Variants in DCBLD2 observed in about 807,000 individuals in gnomAD.
DCBLD2 encodes the protein discoidin, CUB and LCCL domain-containing protein 2.
DCBLD2 carries 54 observed loss-of-function variants against 86.8 expected under a neutral mutation model. The ratio of observed to expected loss-of-function variants is 0.62; its 90% CI spans 0.50 to 0.78. The LOEUF is 0.78. Ranked by LOEUF, DCBLD2 falls within the 30% of genes least tolerant of loss-of-function variation. DCBLD2 has a pLI of 0.00. For synonymous variants in DCBLD2, 354 were observed against 341.3 expected (o/e 1.04, Z -0.41); for missense variants, 908 against 954.2 (o/e 0.95, Z 0.64).
At chr3:98,808,218 A>G (rs1183942008) in intron 12 of DCBLD2, 44 bp from the exon 13 acceptor site, 1 of 1,507,486 alleles carries the variant, frequency 6.6e-7, no homozygotes, top group African/African-American at 1.4e-5. Context: ...AGCCATATTA[A>G]CACCAAAGGC....
intron 6 of DCBLD2, 182 bp downstream of exon 6, chr3:98,822,046 C>CAAACA (rs929088748): frequency 1.3e-6 from 1 of 794,268 alleles, no homozygotes; most frequent in Non-Finnish European, 2.1e-6. Context: ...AACTCTGTCT[C>CAAACA]AAACAAAACA....
At chr3:98,807,630 A>T (rs537030865) in intron 13 of DCBLD2, among the ~76,000 whole-genome samples, 2 of 152,274 alleles carry the variant, frequency 1.3e-5, no homozygotes, top group East Asian at 3.9e-4. Context: ...ACCTTCCTCT[A>T]TCTAGCCAAC....
At chr3:98,872,769 G>C (rs1195193957) in intron 2 of DCBLD2, among the ~76,000 whole-genome samples, 1 of 151,222 alleles carries the variant, frequency 6.6e-6, no homozygotes, top group Non-Finnish European at 1.5e-5. Context: ...AACACGAAAA[G>C]ACACTTAAAA....
chr3:98,875,531 T>C (rs1288056071), intron 2 of DCBLD2, among the ~76,000 whole-genome samples: 1 of 152,148 alleles, frequency 6.6e-6, no homozygotes, highest in Non-Finnish European at 1.5e-5. Flanking sequence ...AGCTTTTTTG[T>C]GGAGTTAGAT....
At chr3:98,843,271 G>A (rs1048954036) in intron 3 of DCBLD2, among the ~76,000 whole-genome samples, 1 of 152,266 alleles carries the variant, frequency 6.6e-6, no homozygotes, top group Admixed American at 6.5e-5. Flanking sequence ...AATGTAAACT[G>A]AAACTTCATT....
At chr3:98,826,219 C>T (rs770352427) in intron 3 of DCBLD2, among the ~76,000 whole-genome samples, 3 of 152,130 alleles carry the variant, frequency 2.0e-5, no homozygotes, top group Non-Finnish European at 2.9e-5. Flanking sequence ...GCTTCCTTCT[C>T]TTAGGTTAGA....
At chr3:98,813,762 A>T (rs1166974189) in intron 9 of DCBLD2, 1 of 152,192 alleles carries the variant, frequency 6.6e-6, no homozygotes, top group Admixed American at 6.5e-5. Flanking sequence ...TCATTCCCTT[A>T]ACTACTTCAA....
intron 3 of DCBLD2, among the ~76,000 whole-genome samples, chr3:98,838,734 C>A (rs1158188558): frequency 6.6e-6 from 1 of 152,114 alleles, no homozygotes; most frequent in African/African-American, 2.4e-5. Flanking sequence ...AAGATCACGC[C>A]ACTGCACTCC....
At chr3:98,863,612 A>G (rs1218511900) in intron 2 of DCBLD2, among the ~76,000 whole-genome samples, 1 of 152,242 alleles carries the variant, frequency 6.6e-6, no homozygotes, top group African/African-American at 2.4e-5. Flanking sequence ...AGAAATGGGG[A>G]AAGGATTCCC....
At chr3:98,854,753 C>A (rs1018890364) in intron 2 of DCBLD2, among the ~76,000 whole-genome samples, 2 of 152,108 alleles carry the variant, frequency 1.3e-5, no homozygotes, top group African/African-American at 4.8e-5. Flanking sequence ...TCTTAAGCAG[C>A]AGATCTGATA....
At chr3:98,871,011 G>T (rs1475609297) in intron 2 of DCBLD2, among the ~76,000 whole-genome samples, 5 of 145,946 alleles carry the variant, frequency 3.4e-5, no homozygotes, top group Non-Finnish European at 4.5e-5. Context: ...CTTTGGTTAA[G>T]TATATTCCTA....
At chr3:98,800,003 TAC>T (rs1253222441) in intron 15 of DCBLD2, among the ~76,000 whole-genome samples, 162 bp from the exon 16 acceptor site, 1 of 152,214 alleles carries the variant, frequency 6.6e-6, no homozygotes, top group Non-Finnish European at 1.5e-5. Flanking sequence ...AAATTAAACA[TAC>T]TGTCTAGTAC....
At chr3:98,889,738 T>C (rs1312934083) in intron 1 of DCBLD2, among the ~76,000 whole-genome samples, 1 of 152,034 alleles carries the variant, frequency 6.6e-6, no homozygotes, top group Non-Finnish European at 1.5e-5. Context: ...CTATGGACAG[T>C]TTTAACATTT....
At chr3:98,811,702 A>C in intron 10 of DCBLD2, 148 bp from the exon 11 acceptor site, 1 of 736,586 alleles carries the variant, frequency 1.4e-6, no homozygotes, top group Non-Finnish European at 2.1e-6. Context: ...TGGAAGGATA[A>C]ATATTATACT....
At chr3:98,811,063 T>A (rs916623822) in intron 12 of DCBLD2, 131 bp downstream of exon 12, 75 of 572,696 alleles carry the variant, frequency 1.3e-4, no homozygotes, top group Middle Eastern at 3.9e-4. Flanking sequence ...AGAAAATAAA[T>A]TTTTTTTTTT....
At chr3:98,825,643 T>TATATATATATATATATA (rs1942202476) in intron 3 of DCBLD2, among the ~76,000 whole-genome samples, 12 of 115,086 alleles carry the variant, frequency 1.0e-4, no homozygotes, top group Non-Finnish European at 1.6e-4. Flanking sequence ...ATATGTGTAT[T>TATATATATATATATATA]TATATATATA....
chr3:98,812,579 T>G lies in DCBLD2; in HGVS notation c.1213-97A>C. The G allele has an allele frequency of 1.9e-6, 2 of 1,052,080 alleles. 1 individual carries two copies. Among genetic ancestry groups the G allele is most frequent in the South Asian group, 3.5e-5 (2 of 57,192 alleles). The allele number at this position is 1,052,080 out of a possible 1,614,324, so 65.2% of individuals were successfully genotyped here. A position where few individuals can be genotyped will look rare whatever the true frequency, so the allele number is the denominator to read the frequency against. ...TGTTTTTGTTCTTTGCTCTAGGCCT[T>G]AAATTACATCTGGAAAGTATGATAA... On this transcript the variant is annotated intron_variant, in intron 9 of 15. Coordinates refer to ENST00000326840, the MANE Select transcript of DCBLD2 (RefSeq NM_080927.4).
At chr3:98,869,874 GC>G (rs1943225994) in intron 2 of DCBLD2, among the ~76,000 whole-genome samples, 2 of 152,166 alleles carry the variant, frequency 1.3e-5, no homozygotes, top group African/African-American at 2.4e-5. Context: ...ATTTTCAGTG[GC>G]TGAGATTTTA....
intron 3 of DCBLD2, among the ~76,000 whole-genome samples, chr3:98,839,179 TCTTCCTTCCTTC>T (rs1220136123): frequency 8.8e-6 from 1 of 113,162 alleles, no homozygotes; most frequent in African/African-American, 3.7e-5. Context: ...TTCCTTTCTT[TCTTCCTTCCTTC>T]CTTCCTTCCT....
Sources: gnomAD v4.1 joint callset for allele counts (sites outside exome capture counted in the v4.1 genomes callset) on GRCh38, gnomAD v4.1.1 for gene constraint, MANE v1.5 for transcripts, NCBI Gene and HGNC (gene_info 2026-07-23, HGNC 2026-07-21) for gene names.